PARVA: variants seen among roughly 807,000 people sequenced by gnomAD.
The protein encoded by PARVA is alpha-parvin.
Under a neutral mutation model 52.6 loss-of-function variants are expected in PARVA, and 25 were observed. The observed-to-expected ratio is 0.48, with a 90% CI of 0.35 to 0.66. PARVA has a LOEUF of 0.66. Among genes scored for constraint, PARVA ranks in the 30% least tolerant of loss-of-function variants. The pLI, the probability that PARVA is intolerant of heterozygous loss-of-function variation, is 0.01. For synonymous variants in PARVA, 185 were observed against 179.1 expected (o/e 1.03, Z -0.26); for missense variants, 373 against 450.9 (o/e 0.83, Z 1.56).
chr11:12,516,210 T>A (rs544818260), intron 10 of PARVA, among the ~76,000 whole-genome samples: 3 of 152,218 alleles, frequency 2.0e-5, no homozygotes, highest in Non-Finnish European at 4.4e-5. Flanking sequence ...GCAGGCCGGC[T>A]AGCTGGCTAC....
chr11:12,442,306 G>A (rs1029137703), intron 1 of PARVA, among the ~76,000 whole-genome samples: 1 of 152,212 alleles, frequency 6.6e-6, no homozygotes, highest in Non-Finnish European at 1.5e-5. Flanking sequence ...TACTTAGCAG[G>A]ATTGCTATAG....
At chr11:12,401,919 T>G (rs1017922082) in intron 1 of PARVA, among the ~76,000 whole-genome samples, 14 of 152,222 alleles carry the variant, frequency 9.2e-5, no homozygotes, top group Non-Finnish European at 1.5e-5. Flanking sequence ...TAATTACCTT[T>G]AAGCAGTTAG....
chr11:12,512,914 G>A (rs1253055037), intron 8 of PARVA, among the ~76,000 whole-genome samples: 1 of 152,102 alleles, frequency 6.6e-6, no homozygotes, highest in Admixed American at 6.5e-5. Context: ...TGAAAATTGG[G>A]GGGTGAAATT....
chr11:12,521,105 G>T (rs1941631408), intron 12 of PARVA, among the ~76,000 whole-genome samples: 1 of 152,144 alleles, frequency 6.6e-6, no homozygotes, highest in Admixed American at 6.5e-5. Context: ...GGCAGGCAGG[G>T]ACTCAGAAGA....
At chr11:12,471,028 T>C (rs1940925672) in intron 1 of PARVA, among the ~76,000 whole-genome samples, 1 of 152,222 alleles carries the variant, frequency 6.6e-6, no homozygotes, top group African/African-American at 2.4e-5. Flanking sequence ...CCACAATACT[T>C]GCCAGTGTTT....
chr11:12,392,947 T>TTG (rs1344502411), intron 1 of PARVA, among the ~76,000 whole-genome samples: 1 of 150,874 alleles, frequency 6.6e-6, no homozygotes, highest in Non-Finnish European at 1.5e-5. Flanking sequence ...TCCTGAAATA[T>TTG]TTCCTGTGAA....
At chr11:12,527,427 C>G (rs1237640398) in intron 12 of PARVA, among the ~76,000 whole-genome samples, 1 of 152,164 alleles carries the variant, frequency 6.6e-6, no homozygotes, top group Non-Finnish European at 1.5e-5. Flanking sequence ...ACCTGTCTGT[C>G]CCCCATGACG....
At chr11:12,524,318 C>G (rs1941674895) in intron 12 of PARVA, among the ~76,000 whole-genome samples, 1 of 152,176 alleles carries the variant, frequency 6.6e-6, no homozygotes, top group Non-Finnish European at 1.5e-5. Context: ...AAGTGACTGC[C>G]AGGGTCACAC....
intron 5 of PARVA, among the ~76,000 whole-genome samples, chr11:12,502,832 G>A (rs1037395740): frequency 6.6e-6 from 1 of 151,810 alleles, no homozygotes; most frequent in Admixed American, 6.6e-5. Flanking sequence ...AAGGCTTTTG[G>A]GGAATCTTTA....
chr11:12,520,633 A>G (rs1299087904), intron 12 of PARVA, among the ~76,000 whole-genome samples: 1 of 152,170 alleles, frequency 6.6e-6, no homozygotes, highest in East Asian at 1.9e-4. Context: ...AAGGGTTAGC[A>G]TCAAGTTCCT....
intron 8 of PARVA, 183 bp from the exon 9 acceptor site, chr11:12,513,116 G>A (rs1941522519): frequency 1.4e-6 from 1 of 709,480 alleles, no homozygotes; most frequent in Admixed American, 2.0e-5. Flanking sequence ...CCCAGGGTGA[G>A]AATCACCCCA....
In PARVA at chr11:12,533,639, T is replaced by G. The variant is rs182501682; in HGVS notation, c.*5714T>G. On this transcript the variant is annotated 3_prime_UTR_variant, in exon 13 of 13. Coordinates refer to ENST00000334956, the MANE Select transcript of PARVA (RefSeq NM_018222.5). ...AATAGCCTTACTGAACACGGTCAAT[T>G]AACACATAGCTAGTATGTTATGTGC... 5.3e-5 allele frequency among the ~76,000 whole-genome samples: 8 copies of G among 152,284 alleles called. No individual in the cohort carries two copies. The East Asian group carries it at 1.5e-3, about 29-fold the overall frequency.
chr11:12,428,715 AGCG>A (rs1242989980), intron 1 of PARVA, among the ~76,000 whole-genome samples: 7 of 152,220 alleles, frequency 4.6e-5, no homozygotes, highest in Admixed American at 3.3e-4. Flanking sequence ...CCAATTGACT[AGCG>A]GAGCAAATAC....
chr11:12,433,060 T>C (rs1005399478), intron 1 of PARVA, among the ~76,000 whole-genome samples: 5 of 152,022 alleles, frequency 3.3e-5, no homozygotes, highest in Non-Finnish European at 5.9e-5. Context: ...AAAGCTAGAG[T>C]TCTTAATGAC....
intron 5 of PARVA, among the ~76,000 whole-genome samples, chr11:12,497,164 T>C (rs1027858172): frequency 1.2e-4 from 18 of 152,216 alleles, no homozygotes; most frequent in African/African-American, 3.6e-4. Context: ...TAGTTTATAA[T>C]AATTATTAGT....
chr11:12,422,850 GT>G (rs2134986070), intron 1 of PARVA, among the ~76,000 whole-genome samples: 1 of 151,900 alleles, frequency 6.6e-6, no homozygotes, highest in East Asian at 1.9e-4. Context: ...TATTTGTTTT[GT>G]TACTTTTCTT....
At position 12,535,205 on chromosome 11, in the gene PARVA, A is replaced by T. The variant is rs565112825; in HGVS notation, c.*7280A>T. ...TGTGTTGTCTAGACCCATGGCCAAG[A>T]CTGTCATTGCCTGTGAGGGAGACCA... On this transcript the variant is annotated 3_prime_UTR_variant, in exon 13 of 13. Coordinates refer to ENST00000334956, the MANE Select transcript of PARVA (RefSeq NM_018222.5). 2.0e-5 allele frequency among the ~76,000 whole-genome samples: 3 copies of T among 152,280 alleles called. No individual in the cohort carries two copies. The highest frequency in any genetic ancestry group is 4.8e-5 in the African/African-American group (2 of 41,554).
chr11:12,420,501 A>G (rs1370318786), intron 1 of PARVA, among the ~76,000 whole-genome samples: 2 of 152,200 alleles, frequency 1.3e-5, no homozygotes, highest in African/African-American at 4.8e-5. Flanking sequence ...GTCTTGAGAG[A>G]TTGGAGCAGA....
chr11:12,461,954 C>G (rs1940788052), intron 1 of PARVA, among the ~76,000 whole-genome samples: 1 of 152,126 alleles, frequency 6.6e-6, no homozygotes, highest in African/African-American at 2.4e-5. Context: ...CTGAGGCCAC[C>G]AAGAGCTGGT....
Sources: allele counts gnomAD v4.1 joint callset (sites outside exome capture counted in the v4.1 genomes callset), GRCh38; gene constraint gnomAD v4.1.1; transcripts MANE v1.5; gene names NCBI Gene and HGNC (gene_info 2026-07-23, HGNC 2026-07-21).